The following ARHGEF11 variants were observed in gnomAD, a reference collection of about 807,000 sequenced individuals.
ARHGEF11 encodes the protein Rho guanine nucleotide exchange factor 11.
In ARHGEF11, 55 loss-of-function variants were observed where a neutral mutation model predicts 193.7. That is an observed-to-expected ratio of 0.28 (90% CI 0.23 to 0.36). The LOEUF (loss-of-function observed/expected upper bound fraction) is 0.36. Ranked by LOEUF, ARHGEF11 falls within the 10% of genes least tolerant of loss-of-function variation. The pLI is 1.00. For synonymous variants in ARHGEF11, 693 were observed against 768.0 expected (o/e 0.90, Z 1.62); for missense variants, 1,723 against 2,005.6 (o/e 0.86, Z 2.69).
chr1:157,013,445 A>T (rs1019381819), intron 1 of ARHGEF11, among the ~76,000 whole-genome samples: 1 of 151,658 alleles, frequency 6.6e-6, no homozygotes, highest in Non-Finnish European at 1.5e-5. Context: ...GCCCCTATGA[A>T]TTCCTCAAAC....
intron 11 of ARHGEF11, among the ~76,000 whole-genome samples, chr1:156,964,699 AGACT>A (rs1284234925): frequency 1.4e-4 from 21 of 152,350 alleles, no homozygotes; most frequent in African/African-American, 4.3e-4. Flanking sequence ...AGGCCCAGAC[AGACT>A]GACTGGTGTG....
chr1:156,962,719 A>G (rs527970069), intron 13 of ARHGEF11, among the ~76,000 whole-genome samples: 1 of 152,040 alleles, frequency 6.6e-6, no homozygotes, highest in African/African-American at 2.4e-5. Context: ...TCTACTAAAA[A>G]TACAAAAAAA....
At chr1:156,987,168 A>C (rs1665047130) in intron 1 of ARHGEF11, among the ~76,000 whole-genome samples, 1 of 152,230 alleles carries the variant, frequency 6.6e-6, no homozygotes, top group Admixed American at 6.5e-5. Flanking sequence ...TGCCCCTCAG[A>C]AAGGGGCAAT....
chr1:156,989,519 C>CT, intron 1 of ARHGEF11, among the ~76,000 whole-genome samples: 1 of 152,300 alleles, frequency 6.6e-6, no homozygotes, highest in South Asian at 2.1e-4. Context: ...TATTAAAGGA[C>CT]TTTCATCCTG....
intron 1 of ARHGEF11, among the ~76,000 whole-genome samples, chr1:156,990,907 G>A (rs1281963333): frequency 1.3e-5 from 2 of 152,172 alleles, no homozygotes; most frequent in African/African-American, 4.8e-5. Context: ...AGCAGGAAAT[G>A]CATTTACAAA....
At chr1:157,039,289 G>C (rs143002111) in intron 1 of ARHGEF11, among the ~76,000 whole-genome samples, 1 of 152,282 alleles carries the variant, frequency 6.6e-6, no homozygotes, top group East Asian at 1.9e-4. Flanking sequence ...TAGCTAAAAG[G>C]AATCAAATCT....
At chr1:156,985,776 C>G (rs999520081) in intron 2 of ARHGEF11, 1 of 173,400 alleles carries the variant, frequency 5.8e-6, no homozygotes, top group Non-Finnish European at 1.2e-5. Flanking sequence ...CACTATGTTG[C>G]CCGGGCTGGA....
chr1:157,019,416 G>A (rs1042594760), intron 1 of ARHGEF11, among the ~76,000 whole-genome samples: 1 of 152,170 alleles, frequency 6.6e-6, no homozygotes, highest in Non-Finnish European at 1.5e-5. Context: ...AGAACAACTG[G>A]GAATAGGATA....
upstream of ARHGEF11, among the ~76,000 whole-genome samples, chr1:157,046,730 G>A (rs543101680): frequency 2.3e-4 from 35 of 152,218 alleles, no homozygotes; most frequent in African/African-American, 8.2e-4. Flanking sequence ...TACAAGTAAC[G>A]TGACATTTGT....
chr1:156,944,031 A>G lies in ARHGEF11; in HGVS notation c.3139T>C (p.Cys1047Arg). 8 of 1,614,134 alleles carry G rather than the reference A, an allele frequency of 5.0e-6. No individual in the cohort carries two copies. Among genetic ancestry groups the G allele is most frequent in the Non-Finnish European group, 6.8e-6 (8 of 1,179,998 alleles). Residue 1047 changes from cysteine to arginine, a missense_variant, in exon 32 of 41, where the codon TGC becomes CGC. Physicochemically the swap from Cys to Arg is radical, Grantham distance 180. Around this residue, in one of 5 missense-constraint regions of ARHGEF11, gnomAD observed 491 missense variants for 654.5 expected, o/e 0.75. Coordinates refer to ENST00000368194, the MANE Select transcript of ARHGEF11 (RefSeq NM_198236.3). ...GAGCCCACAGCAGTCTTGCTGTGGC[A>G]CTTCAGCAATAGCTTCTCATCCTGT... ...QKQDEKLLLK[C>R]HSKTAVGSSD...
At position 157,044,475 on chromosome 1, in the gene ARHGEF11, T is replaced by C; in HGVS notation, c.-145A>G. The C allele has an allele frequency of 1.4e-6, 1 of 724,734 alleles. No homozygotes were observed. The highest frequency in any genetic ancestry group is 2.5e-6 in the Non-Finnish European group (1 of 404,428). The allele number at this position is 724,734 out of a possible 1,614,324, so 44.9% of individuals were successfully genotyped here. ...CTTTCTCCTCCAGCTCTCAGGACCCTGGTAACTGATGCTCCACTCTACTTC... is the reference window on the plus strand; with the variant it reads ...CTTTCTCCTCCAGCTCTCAGGACCCCGGTAACTGATGCTCCACTCTACTTC... On this transcript the variant is annotated 5_prime_UTR_variant, in exon 1 of 41. Transcript: ENST00000368194.
intron 38 of ARHGEF11, 62 bp from the exon 39 acceptor site, chr1:156,937,558 G>A (rs779852999): frequency 2.9e-4 from 436 of 1,480,798 alleles, no homozygotes; most frequent in Non-Finnish European, 3.7e-4. Flanking sequence ...CTATCCTCCC[G>A]TTCCTGTGGG....
chr1:156,953,016 A>T (rs1274684023), intron 21 of ARHGEF11, among the ~76,000 whole-genome samples: 1 of 152,262 alleles, frequency 6.6e-6, no homozygotes, highest in Non-Finnish European at 1.5e-5. Flanking sequence ...CCACTTGGAA[A>T]ATGCACAATT....
At chr1:157,011,556 G>A (rs6686367) in intron 1 of ARHGEF11, among the ~76,000 whole-genome samples, 33,275 of 152,030 alleles carry the variant, frequency 0.22, 3,847 homozygotes, top group East Asian at 0.36. Context: ...CAGCCCAGAG[G>A]ATGGGAGAAA....
intron 11 of ARHGEF11, 191 bp downstream of exon 11, chr1:156,967,796 T>G: frequency 1.4e-6 from 1 of 716,336 alleles, no homozygotes; most frequent in Non-Finnish European, 2.3e-6. Flanking sequence ...CCAGCCTTAC[T>G]TTCATATCTC....
chr1:156,951,000 T>C (rs1659010118), intron 22 of ARHGEF11, among the ~76,000 whole-genome samples: 4 of 152,232 alleles, frequency 2.6e-5, no homozygotes, highest in Admixed American at 2.6e-4. Flanking sequence ...GATGCCAGTC[T>C]CAATTCCCCT....
chr1:156,967,597 G>A (rs533249617), intron 11 of ARHGEF11, among the ~76,000 whole-genome samples: 10 of 151,868 alleles, frequency 6.6e-5, no homozygotes, highest in South Asian at 4.2e-4. Context: ...TCTATGTTAC[G>A]GTTCCAAGTA....
In ARHGEF11 at chr1:157,045,337, C is replaced by G. The variant is rs1262819204; in HGVS notation, c.-1007G>C. On this transcript the variant is annotated 5_prime_UTR_variant, in exon 1 of 41. Transcript: ENST00000368194. ...CCACATCCAGGCTCCGAAATTTTCT[C>G]TTGCCTCAGCCTCCATGAAACGGAG... 1 of 152,322 alleles carries G rather than the reference C, an allele frequency of 6.6e-6. No homozygotes were observed. Among genetic ancestry groups the G allele is most frequent in the Non-Finnish European group, 1.5e-5 (1 of 68,088 alleles). 9.4% of individuals were successfully genotyped at this position (152,322 alleles called of 1,614,324 possible).
At position 156,948,890 on chromosome 1, in the gene ARHGEF11, C is replaced by A. The variant is rs1658644191; in HGVS notation, c.1926-392G>T. On this transcript the variant is annotated intron_variant, in intron 22 of 40. Coordinates refer to ENST00000368194, the MANE Select transcript of ARHGEF11 (RefSeq NM_198236.3). This position sits in a 1 kb window ranked among gnomAD's most constrained non-coding sequence, Gnocchi z 4.2. ...CTCAACAGGGAACACAAGGTCCCAGCTCCCTGCCCCTAGTGGCCAGTTCAC... is the reference window on the plus strand; with the variant it reads ...CTCAACAGGGAACACAAGGTCCCAGATCCCTGCCCCTAGTGGCCAGTTCAC... 2 of 985,318 alleles carry A rather than the reference C, an allele frequency of 2.0e-6. No individual in the cohort carries two copies. Among genetic ancestry groups the A allele is most frequent in the Admixed American group, 6.1e-5 (1 of 16,270 alleles). The allele number at this position is 985,318 out of a possible 1,614,324, so 61.0% of individuals were successfully genotyped here. A position where few individuals can be genotyped will look rare whatever the true frequency, so the allele number is the denominator to read the frequency against.
Sources: gnomAD v4.1 joint callset for allele counts (sites outside exome capture counted in the v4.1 genomes callset) on GRCh38, gnomAD v4.1.1 for gene constraint, gnomAD v4.1.1 regional missense constraint, Gnocchi (gnomAD v3.1) non-coding constraint, MANE v1.5 for transcripts, NCBI Gene and HGNC (gene_info 2026-07-23, HGNC 2026-07-21) for gene names.